The following NAA25 variants were observed in gnomAD, a reference collection of about 807,000 sequenced individuals.
The protein encoded by NAA25 is N-alpha-acetyltransferase 25, NatB auxiliary subunit, also known as N-terminal acetyltransferase B complex subunit NAA25.
NAA25 carries 30 observed loss-of-function variants against 132.5 expected under a neutral mutation model. The observed-to-expected ratio is 0.23, with a 90% CI of 0.17 to 0.31. The LOEUF is 0.31. NAA25 is among the 10% of genes least tolerant of loss of function. NAA25 has a pLI of 1.00. For missense variants in NAA25, 771 were observed against 1,150.4 expected (o/e 0.67, Z 4.77); for synonymous variants, 359 against 401.9 (o/e 0.89, Z 1.28).
intron 1 of NAA25, among the ~76,000 whole-genome samples, chr12:112,107,626 C>A (rs1371532319): frequency 6.6e-6 from 1 of 151,786 alleles, no homozygotes; most frequent in African/African-American, 2.4e-5. Context: ...TGGCCAGAAA[C>A]AAAGTTAACC....
chr12:112,054,098 C>T (rs182836700), intron 14 of NAA25, among the ~76,000 whole-genome samples: 338 of 152,232 alleles, frequency 2.2e-3, no homozygotes, highest in Non-Finnish European at 3.8e-3. Flanking sequence ...AACTGCAAAG[C>T]GGAAATGAAC....
intron 3 of NAA25, among the ~76,000 whole-genome samples, chr12:112,088,470 C>A (rs533329265): frequency 6.6e-6 from 1 of 151,094 alleles, no homozygotes; most frequent in Non-Finnish European, 1.5e-5. Context: ...GTTCTGCAGG[C>A]ACATACCACC....
intron 1 of NAA25, among the ~76,000 whole-genome samples, chr12:112,102,261 T>C (rs1365134596): frequency 6.6e-6 from 1 of 152,050 alleles, no homozygotes; most frequent in Non-Finnish European, 1.5e-5. Context: ...CAGTGCCAGC[T>C]ACTCCAGAGG....
chr12:112,078,619 G>A lies in NAA25; in HGVS notation c.585+15C>T, dbSNP rs781611467. 2 of 1,597,836 alleles carry A rather than the reference G, an allele frequency of 1.3e-6. No homozygotes were observed. Among genetic ancestry groups the A allele is most frequent in the African/African-American group, 1.3e-5 (1 of 74,548 alleles). ...AAAAAAATGAAAACACAAAAGTAAG[G>A]CTTAAAATACTCACTTCAGCCTCAG... On this transcript the variant is annotated intron_variant, in intron 6 of 23. Coordinates refer to ENST00000261745, the MANE Select transcript of NAA25 (RefSeq NM_024953.4).
At chr12:112,042,224 T>G (rs2078309824) in intron 19 of NAA25, 120 bp from the exon 20 acceptor site, 4 of 384,080 alleles carry the variant, frequency 1.0e-5, no homozygotes, top group Non-Finnish European at 1.8e-5. Context: ...CTACAGACCC[T>G]TATGCATTTT....
At chr12:112,058,951 G>C (rs191925839) in intron 13 of NAA25, among the ~76,000 whole-genome samples, 1 of 151,640 alleles carries the variant, frequency 6.6e-6, no homozygotes, top group Non-Finnish European at 1.5e-5. Context: ...CCAGCTACTC[G>C]TAGTCCCAGC....
intron 12 of NAA25, 66 bp from the exon 13 acceptor site, chr12:112,060,425 T>C (rs1354145888): frequency 1.1e-5 from 12 of 1,103,174 alleles, no homozygotes; most frequent in Non-Finnish European, 1.3e-6. Context: ...CAAAGGAGTT[T>C]TTAAAAGCAG....
chr12:112,094,709 G>T (rs1355829106), intron 1 of NAA25, among the ~76,000 whole-genome samples: 1 of 152,138 alleles, frequency 6.6e-6, no homozygotes, highest in African/African-American at 2.4e-5. Flanking sequence ...GCCCAAGTTG[G>T]AGTGCAATGG....
chr12:112,029,517 T>C lies in NAA25; in HGVS notation c.*14A>G, dbSNP rs368536156. 5.0e-6 allele frequency: 8 copies of C among 1,613,912 alleles called. No homozygotes were observed. The highest frequency in any genetic ancestry group is 5.9e-6 in the Non-Finnish European group (7 of 1,179,948). ...TCTGTTGCAGAGTCATCAGTGCCCA[T>C]GATAGATACTTCCTTAAATTTTTAG... On this transcript the variant is annotated 3_prime_UTR_variant, in exon 24 of 24. Transcript: ENST00000261745.
chr12:112,044,849 T>C (rs2078355218), intron 17 of NAA25, among the ~76,000 whole-genome samples: 1 of 145,452 alleles, frequency 6.9e-6, no homozygotes. Context: ...GAGAACAGCC[T>C]GGTAAACATA....
chr12:112,077,388 A>T (rs1403320054), intron 7 of NAA25, among the ~76,000 whole-genome samples: 3 of 151,524 alleles, frequency 2.0e-5, no homozygotes, highest in Admixed American at 6.6e-5. Context: ...CAGGAGAATC[A>T]CTTGAACCCA....
At chr12:112,039,104 G>A (rs928404411) in intron 22 of NAA25, 125 bp downstream of exon 22, 74 of 494,590 alleles carry the variant, frequency 1.5e-4, no homozygotes, top group Admixed American at 2.4e-4. Context: ...AGTCATCGTG[G>A]GCCATGGGTT....
At chr12:112,071,474 G>T (rs1318852891) in intron 10 of NAA25, among the ~76,000 whole-genome samples, 2 of 152,118 alleles carry the variant, frequency 1.3e-5, no homozygotes, top group African/African-American at 4.8e-5. Context: ...TGGGACTACA[G>T]ATGTGCGTCA....
intron 4 of NAA25, among the ~76,000 whole-genome samples, chr12:112,086,791 C>A (rs530946594): frequency 6.6e-6 from 1 of 152,118 alleles, no homozygotes; most frequent in African/African-American, 2.4e-5. Flanking sequence ...GCGGGCAGAT[C>A]ACCTGAGGTC....
At position 112,040,557 on chromosome 12, in the gene NAA25, C is replaced by A; in HGVS notation, c.2462G>T (p.Gly821Val). The change falls in exon 21 of 24, where the codon GGT becomes GTT. Residue 821 changes from glycine to valine, a missense_variant. This residue lies in a region of NAA25 where 324 missense variants were observed against 400.0 expected (regional missense o/e 0.81). Coordinates refer to ENST00000261745, the MANE Select transcript of NAA25 (RefSeq NM_024953.4). ...ACCATCTTTAACTTCTAAGAGGTCA[C>A]CTTTACATTTACTGAAGACATCTGA... ...QLKDVFSKCK[G>V]DLLEVKDGNL... 6.3e-7 allele frequency: 1 copy of A among 1,596,856 alleles called. No homozygotes were observed. Among genetic ancestry groups the A allele is most frequent in the South Asian group, 1.1e-5 (1 of 88,918 alleles).
intron 15 of NAA25, among the ~76,000 whole-genome samples, chr12:112,050,019 T>C (rs1251415843): frequency 1.3e-5 from 2 of 149,990 alleles, no homozygotes; most frequent in Non-Finnish European, 3.0e-5. Context: ...TTTTAATTTC[T>C]AAGTGGTCCG....
intron 4 of NAA25, among the ~76,000 whole-genome samples, chr12:112,081,710 A>C (rs2078975097): frequency 1.3e-5 from 2 of 152,236 alleles, no homozygotes; most frequent in South Asian, 2.1e-4. Context: ...TTCAAGCATA[A>C]TTGAGACTCT....
chr12:112,064,423 G>A (rs1038238605), intron 11 of NAA25, among the ~76,000 whole-genome samples: 6 of 152,072 alleles, frequency 3.9e-5, no homozygotes, highest in African/African-American at 1.4e-4. Flanking sequence ...TAGACACGGG[G>A]TTTTGCCATG....
chr12:112,066,764 C>T (rs560647302), intron 11 of NAA25, among the ~76,000 whole-genome samples: 1 of 152,258 alleles, frequency 6.6e-6, no homozygotes, highest in East Asian at 1.9e-4. Flanking sequence ...ATTTCAGAAC[C>T]CCAGAGACCA....
Sources: gnomAD v4.1 joint callset for allele counts (sites outside exome capture counted in the v4.1 genomes callset) on GRCh38, gnomAD v4.1.1 for gene constraint, gnomAD v4.1.1 regional missense constraint, MANE v1.5 for transcripts, NCBI Gene and HGNC (gene_info 2026-07-23, HGNC 2026-07-21) for gene names.